Variants in TMEM116 observed in about 807,000 individuals in gnomAD.
TMEM116 encodes transmembrane protein 116.
TMEM116 carries 38 observed loss-of-function variants against 44.3 expected under a neutral mutation model. That is an observed-to-expected ratio of 0.86 (90% CI 0.66 to 1.12). TMEM116 has a LOEUF of 1.12. Ranked by LOEUF, TMEM116 falls within the 50% of genes most tolerant of loss-of-function variation. The pLI is 0.00. For synonymous variants in TMEM116, 132 were observed against 144.8 expected (o/e 0.91, Z 0.64); for missense variants, 354 against 401.7 (o/e 0.88, Z 1.01).
At chr12:111,966,854 T>C (rs2136427847) in intron 4 of TMEM116, among the ~76,000 whole-genome samples, 1 of 152,326 alleles carries the variant, frequency 6.6e-6, no homozygotes, top group East Asian at 1.9e-4. Context: ...CAAACCAATT[T>C]TGGGAGAAAG....
At chr12:111,936,468 T>G in intron 8 of TMEM116, 1 of 478,278 alleles carries the variant, frequency 2.1e-6, no homozygotes, top group Non-Finnish European at 3.6e-6. Flanking sequence ...TGAGCATAAT[T>G]TTCACCTAAT....
chr12:111,993,457 T>A, intron 3 of TMEM116: 1 of 561,940 alleles, frequency 1.8e-6, no homozygotes, highest in Non-Finnish European at 3.5e-6. Flanking sequence ...GAGCATGTTA[T>A]CTCTGGTGCA....
chr12:112,006,047 T>C, intron 1 of TMEM116: 2 of 944,296 alleles, frequency 2.1e-6, no homozygotes, highest in Non-Finnish European at 2.5e-6. Flanking sequence ...CCTAGTCAGG[T>C]TCTGAATCCT....
At chr12:111,963,782 TC>T in intron 4 of TMEM116, among the ~76,000 whole-genome samples, 1 of 152,234 alleles carries the variant, frequency 6.6e-6, no homozygotes, top group Admixed American at 6.5e-5. Flanking sequence ...AACCTGCACG[TC>T]CTGCACACAT....
At chr12:112,005,232 G>T in intron 2 of TMEM116, 25 bp downstream of exon 2, 1 of 1,365,986 alleles carries the variant, frequency 7.3e-7, no homozygotes, top group Non-Finnish European at 9.4e-7. Context: ...TACTAGTTTA[G>T]TTATATGAGA....
chr12:111,946,578 C>A (rs892697844), intron 4 of TMEM116, among the ~76,000 whole-genome samples: 2 of 152,126 alleles, frequency 1.3e-5, no homozygotes, highest in Non-Finnish European at 2.9e-5. Context: ...GTGTTCCTTG[C>A]CCTCATTCCA....
In TMEM116 at chr12:112,005,865, A is replaced by G. The variant is rs923848398; in HGVS notation, c.-33-562T>C. 4.8e-5 allele frequency: 45 copies of G among 931,712 alleles called. No individual in the cohort carries two copies. In the East Asian group the frequency reaches 2.7e-3, roughly 56 times the overall value. The allele number at this position is 931,712 out of a possible 1,614,324, so 57.7% of individuals were successfully genotyped here. ...AAACTGAAGAAAAGTTAGTAGTATG[A>G]AAAGAGATTGTGAGTGAAAAATGCA... On this transcript the variant is annotated intron_variant, in intron 1 of 10. Transcript: ENST00000552374.
chr12:111,943,412 G>T, intron 4 of TMEM116, 43 bp from the exon 5 acceptor site: 1 of 1,394,764 alleles, frequency 7.2e-7, no homozygotes, highest in South Asian at 1.2e-5. Flanking sequence ...ATCTCACTCT[G>T]ACACTGTGAA....
intron 4 of TMEM116, among the ~76,000 whole-genome samples, chr12:111,952,866 A>G (rs1452628593): frequency 6.6e-6 from 1 of 152,132 alleles, no homozygotes; most frequent in African/African-American, 2.4e-5. Flanking sequence ...ACTCCCCTTT[A>G]TATATACATC....
At chr12:112,004,034 G>A (rs2077435104) in intron 2 of TMEM116, among the ~76,000 whole-genome samples, 171 bp from the exon 3 acceptor site, 1 of 152,110 alleles carries the variant, frequency 6.6e-6, no homozygotes, top group Non-Finnish European at 1.5e-5. Context: ...AGGCTGGAGT[G>A]CAGTGGTGTC....
chr12:111,967,178 T>G (rs1004804037), intron 4 of TMEM116, among the ~76,000 whole-genome samples: 8 of 152,326 alleles, frequency 5.3e-5, no homozygotes, highest in African/African-American at 1.7e-4. Flanking sequence ...ATGGCAATGA[T>G]TTTCATTTTT....
intron 4 of TMEM116, among the ~76,000 whole-genome samples, chr12:111,951,688 G>A (rs539396980): frequency 6.6e-6 from 1 of 152,042 alleles, no homozygotes; most frequent in Non-Finnish European, 1.5e-5. Flanking sequence ...AGGAGGGAGA[G>A]GATCAGGAAA....
At chr12:111,994,286 GA>G (rs1174318502) in intron 3 of TMEM116, among the ~76,000 whole-genome samples, 3 of 151,116 alleles carry the variant, frequency 2.0e-5, no homozygotes, top group South Asian at 4.2e-4. Context: ...AGACACTCTT[GA>G]AAAAAAAAGA....
Position 111,991,816 on chromosome 12 carries a change from T to A in TMEM116, c.152A>T (p.Tyr51Phe). The change falls in exon 4 of 11, where the codon TAT becomes TTT. Residue 51 changes from tyrosine to phenylalanine, a missense_variant. Tyr to Phe is a conservative substitution (Grantham distance 22). Coordinates refer to ENST00000552374, the MANE Select transcript of TMEM116 (RefSeq NM_001193531.2). ...GLCWLTETLL[Y>F]GASVANKDII... ...GTCCTTATTTGCTACTGAAGCTCCATAGAGAAGTGTCTCCGTGAGCCAGCA... is the reference window on the plus strand; with the variant it reads ...GTCCTTATTTGCTACTGAAGCTCCAAAGAGAAGTGTCTCCGTGAGCCAGCA... The A allele has an allele frequency of 6.5e-7, 1 of 1,535,944 alleles. No homozygotes were observed. Among genetic ancestry groups the A allele is most frequent in the Admixed American group, 2.0e-5 (1 of 50,986 alleles).
chr12:111,989,075 C>T (rs566595709), intron 4 of TMEM116, among the ~76,000 whole-genome samples: 1 of 152,214 alleles, frequency 6.6e-6, no homozygotes. Flanking sequence ...TCCCTGATTA[C>T]AAGAATCCTA....
intron 3 of TMEM116, among the ~76,000 whole-genome samples, chr12:111,992,321 G>A (rs184517200): frequency 6.6e-6 from 1 of 151,102 alleles, no homozygotes; most frequent in Non-Finnish European, 1.5e-5. Flanking sequence ...CCAGGCTAGA[G>A]TGCAGTGGCA....
At chr12:111,939,880 CTG>C (rs61322648) in intron 5 of TMEM116, among the ~76,000 whole-genome samples, 22,300 of 129,838 alleles carry the variant, frequency 0.17, 1,819 homozygotes, top group Non-Finnish European at 0.22. Context: ...CTTCAAAGCT[CTG>C]TGTGTGTGTG....
chr12:111,974,031 A>T (rs1017931784), intron 4 of TMEM116, among the ~76,000 whole-genome samples: 2 of 152,192 alleles, frequency 1.3e-5, no homozygotes, highest in African/African-American at 4.8e-5. Context: ...AAAGTAAATC[A>T]ATTTAAATCA....
At chr12:111,980,302 AAAG>A (rs1225188610) in intron 4 of TMEM116, among the ~76,000 whole-genome samples, 1 of 152,220 alleles carries the variant, frequency 6.6e-6, no homozygotes, top group Non-Finnish European at 1.5e-5. Flanking sequence ...TGCTAAGTGA[AAAG>A]AAGTCAATCT....
Sources: gnomAD v4.1 joint callset for allele counts (sites outside exome capture counted in the v4.1 genomes callset) on GRCh38, gnomAD v4.1.1 for gene constraint, MANE v1.5 for transcripts, NCBI Gene and HGNC (gene_info 2026-07-23, HGNC 2026-07-21) for gene names.